DPP10: variants seen among roughly 807,000 people sequenced by gnomAD.
The protein encoded by DPP10 is dipeptidyl peptidase like 10.
In DPP10, 33 loss-of-function variants were observed where a neutral mutation model predicts 120.9. The ratio of observed to expected loss-of-function variants is 0.27; its 90% CI spans 0.21 to 0.37. DPP10 has a LOEUF of 0.37. DPP10 is among the 10% of genes least tolerant of loss of function. The pLI, the probability that DPP10 is intolerant of heterozygous loss-of-function variation, is 1.00. For synonymous variants in DPP10, 337 were observed against 326.1 expected (o/e 1.03, Z -0.36); for missense variants, 816 against 942.8 (o/e 0.87, Z 1.76).
intron 3 of DPP10, among the ~76,000 whole-genome samples, chr2:115,498,046 A>T (rs1215104484): frequency 6.6e-6 from 1 of 151,924 alleles, no homozygotes; most frequent in African/African-American, 2.4e-5. Flanking sequence ...ATCAGTCCAT[A>T]CGGCCAGCCT....
At chr2:115,722,264 A>G (rs1334247835) in intron 7 of DPP10, among the ~76,000 whole-genome samples, 1 of 151,540 alleles carries the variant, frequency 6.6e-6, no homozygotes, top group Non-Finnish European at 1.5e-5. Flanking sequence ...CTTATCACAC[A>G]ATTTTTTTAA....
chr2:115,617,289 T>TATATATATATATACAC (rs67359999), intron 5 of DPP10, among the ~76,000 whole-genome samples: 28 of 136,526 alleles, frequency 2.1e-4, no homozygotes, highest in Admixed American at 4.5e-4. Context: ...TATATATATA[T>TATATATATATATACAC]ACACACATAG....
rs1690407065 is a variant in DPP10 at position 115,844,019 on chromosome 2, C to A, written c.*1674C>A. On this transcript the variant is annotated 3_prime_UTR_variant, in exon 26 of 26. Transcript: ENST00000410059. The stretch of plus-strand genomic sequence containing the variant: ...TCATGGATTTGGTATTCAACTTTTT[C>A]CCTGGATGCTTTGGAATCGTGTCTT... 6.6e-6 allele frequency: 1 copy of A among 152,664 alleles called. No homozygotes were observed. Among genetic ancestry groups the A allele is most frequent in the East Asian group, 1.9e-4 (1 of 5,176 alleles). The allele number at this position is 152,664 out of a possible 1,614,324, so 9.5% of individuals were successfully genotyped here.
intron 4 of DPP10, among the ~76,000 whole-genome samples, chr2:115,504,037 G>A (rs2076819220): frequency 6.6e-6 from 1 of 152,096 alleles, no homozygotes; most frequent in Admixed American, 6.6e-5. Flanking sequence ...TTTTAAGGGA[G>A]ATATTAAACT....
chr2:115,522,583 C>A (rs529388527), intron 4 of DPP10, among the ~76,000 whole-genome samples: 1 of 152,286 alleles, frequency 6.6e-6, no homozygotes, highest in Non-Finnish European at 1.5e-5. Context: ...TCTAGTTAAT[C>A]ACCTGCATAT....
chr2:114,653,113 T>A (rs1413816935), intron 1 of DPP10, among the ~76,000 whole-genome samples: 1 of 151,846 alleles, frequency 6.6e-6, no homozygotes, highest in Non-Finnish European at 1.5e-5. Flanking sequence ...AAAAGGTATG[T>A]CTGCATCTTG....
chr2:115,557,624 G>T (rs2080298723), intron 5 of DPP10, among the ~76,000 whole-genome samples: 1 of 152,112 alleles, frequency 6.6e-6, no homozygotes, highest in Non-Finnish European at 1.5e-5. Flanking sequence ...TTTAAGATTT[G>T]TGGGCATATT....
chr2:114,519,193 TGACA>T (rs978206519), intron 1 of DPP10, among the ~76,000 whole-genome samples: 2 of 152,224 alleles, frequency 1.3e-5, no homozygotes, highest in African/African-American at 4.8e-5. Flanking sequence ...GTACTGAGGC[TGACA>T]GACAGTTTAG....
intron 1 of DPP10, among the ~76,000 whole-genome samples, chr2:114,670,884 G>A (rs1167555860): frequency 3.3e-5 from 5 of 152,070 alleles, no homozygotes; most frequent in East Asian, 1.9e-4. Context: ...CATCAATATA[G>A]AGAATGATGA....
chr2:114,677,219 C>T (rs537740565), intron 1 of DPP10, among the ~76,000 whole-genome samples: 148 of 152,198 alleles, frequency 9.7e-4, no homozygotes, highest in African/African-American at 3.3e-3. Flanking sequence ...AAATTGAAGA[C>T]GGCTGTCTAG....
intron 1 of DPP10, among the ~76,000 whole-genome samples, chr2:114,983,079 A>G (rs1212223363): frequency 6.6e-6 from 1 of 152,208 alleles, no homozygotes; most frequent in Admixed American, 6.5e-5. Flanking sequence ...GCTAAGACGC[A>G]TTATAACTAA....
intron 1 of DPP10, among the ~76,000 whole-genome samples, chr2:114,834,616 A>C (rs62165241): frequency 0.59 from 43,715 of 73,776 alleles, 15,240 homozygotes; most frequent in South Asian, 0.7. Flanking sequence ...GCCATATCTA[A>C]GCACCTATGT....
chr2:114,536,133 C>A (rs115203951), intron 1 of DPP10, among the ~76,000 whole-genome samples: 2 of 152,068 alleles, frequency 1.3e-5, no homozygotes, highest in African/African-American at 4.8e-5. Context: ...CATCCTGCAT[C>A]GACATGGTTT....
intron 1 of DPP10, among the ~76,000 whole-genome samples, chr2:114,625,994 CTT>C (rs964355735): frequency 6.9e-6 from 1 of 144,466 alleles, no homozygotes; most frequent in Admixed American, 7.0e-5. Flanking sequence ...GCAGAGGATA[CTT>C]TTTTTTTTTA....
chr2:115,303,939 G>A (rs1489056912), intron 1 of DPP10, among the ~76,000 whole-genome samples: 1 of 151,824 alleles, frequency 6.6e-6, no homozygotes, highest in Non-Finnish European at 1.5e-5. Context: ...GTTTATTCCA[G>A]GTATCTTTTA....
intron 3 of DPP10, among the ~76,000 whole-genome samples, chr2:115,439,728 C>A (rs979669923): frequency 3.9e-5 from 6 of 152,060 alleles, no homozygotes; most frequent in African/African-American, 1.2e-4. Flanking sequence ...TAAAGAAAAT[C>A]GAAATTACCA....
chr2:115,522,856 C>T (rs1319919995), intron 4 of DPP10, among the ~76,000 whole-genome samples: 1 of 152,076 alleles, frequency 6.6e-6, no homozygotes, highest in Non-Finnish European at 1.5e-5. Flanking sequence ...AATTTGAAGT[C>T]ATATTAAGTT....
chr2:114,507,066 G>A (rs1287739432), intron 1 of DPP10, among the ~76,000 whole-genome samples: 1 of 55,300 alleles, frequency 1.8e-5, no homozygotes, highest in Non-Finnish European at 3.5e-5. Context: ...TTTTTTTTTT[G>A]AGACAGGGTC....
chr2:115,802,472 G>T, intron 19 of DPP10, among the ~76,000 whole-genome samples: 1 of 152,080 alleles, frequency 6.6e-6, no homozygotes, highest in Non-Finnish European at 1.5e-5. Flanking sequence ...CCTTCTGCTA[G>T]CTTTTGAATG....
Sources: allele counts gnomAD v4.1 joint callset (sites outside exome capture counted in the v4.1 genomes callset), GRCh38; gene constraint gnomAD v4.1.1; transcripts MANE v1.5; gene names NCBI Gene and HGNC (gene_info 2026-07-23, HGNC 2026-07-21).